Variants in SEMA6D observed in about 807,000 individuals in gnomAD.
SEMA6D encodes the protein semaphorin 6D, also known as semaphorin-6D.
In SEMA6D, 35 loss-of-function variants were observed where a neutral mutation model predicts 106.6. The observed-to-expected ratio is 0.33, with a 90% CI of 0.25 to 0.44. The LOEUF (loss-of-function observed/expected upper bound fraction) is 0.44, where lower values mean the gene tolerates loss of function less well. Among genes scored for constraint, SEMA6D ranks in the 20% least tolerant of loss-of-function variants. SEMA6D has a pLI of 1.00. For missense variants in SEMA6D, 1,185 were observed against 1,345.9 expected (o/e 0.88, Z 1.87); for synonymous variants, 499 against 487.7 (o/e 1.02, Z -0.31).
intron 1 of SEMA6D, among the ~76,000 whole-genome samples, chr15:47,385,359 T>C (rs2039796391): frequency 6.6e-6 from 1 of 152,166 alleles, no homozygotes; most frequent in Non-Finnish European, 1.5e-5. Context: ...TGCTCTTTCA[T>C]TGTACTGTGA....
At chr15:47,336,358 C>T (rs1312528753) in intron 1 of SEMA6D, among the ~76,000 whole-genome samples, 2 of 152,076 alleles carry the variant, frequency 1.3e-5, no homozygotes, top group Admixed American at 1.3e-4. Flanking sequence ...TGCCCAAGTC[C>T]ACATAGTGCA....
intron 1 of SEMA6D, among the ~76,000 whole-genome samples, chr15:47,202,929 A>T (rs183322921): frequency 1.6e-4 from 24 of 152,334 alleles, no homozygotes; most frequent in African/African-American, 5.8e-4. Flanking sequence ...ACCATGGTGT[A>T]TAAAATATGT....
intron 1 of SEMA6D, among the ~76,000 whole-genome samples, chr15:47,308,635 C>G (rs1566987925): frequency 6.6e-6 from 1 of 152,112 alleles, no homozygotes; most frequent in African/African-American, 2.4e-5. Flanking sequence ...TCTTACAGAA[C>G]AAGGTTGACA....
intron 1 of SEMA6D, among the ~76,000 whole-genome samples, chr15:47,201,086 GA>G (rs1481052131): frequency 1.3e-5 from 2 of 152,142 alleles, no homozygotes; most frequent in African/African-American, 4.8e-5. Context: ...CGATTTAGTA[GA>G]AAGCTTGTGT....
intron 4 of SEMA6D, among the ~76,000 whole-genome samples, chr15:47,678,552 A>G (rs73392873): frequency 0.086 from 13,082 of 152,128 alleles, 1,895 homozygotes; most frequent in African/African-American, 0.3. Context: ...GGAAAATGGA[A>G]CCCATTCGAG....
intron 3 of SEMA6D, among the ~76,000 whole-genome samples, chr15:47,533,271 T>G (rs1480654037): frequency 6.6e-6 from 1 of 152,194 alleles, no homozygotes; most frequent in East Asian, 1.9e-4. Context: ...GCAGTATAGG[T>G]GTAAACCAAT....
chr15:47,369,915 T>A lies in SEMA6D; in HGVS notation c.-238-42478T>A, dbSNP rs1388137555. On this transcript the variant is annotated intron_variant, in intron 1 of 19. Coordinates refer to the SEMA6D transcript ENST00000558014. ...AATGCTTGAATACCAGCAACTGTTT[T>A]AAGCACATTGCATTGGATTGACTCA... Among the ~76,000 whole-genome samples the A allele has an allele frequency of 2.6e-5, 4 of 152,210 alleles. No individual in the cohort carries two copies. The East Asian group carries it at 5.8e-4, about 22-fold the overall frequency.
chr15:47,312,611 C>T (rs531232805), intron 1 of SEMA6D, among the ~76,000 whole-genome samples: 2 of 152,158 alleles, frequency 1.3e-5, no homozygotes, highest in East Asian at 1.9e-4. Context: ...TTTAGATCAG[C>T]GCTATCCAAC....
chr15:47,298,366 A>T (rs1260124611), intron 1 of SEMA6D, among the ~76,000 whole-genome samples: 2 of 151,108 alleles, frequency 1.3e-5, no homozygotes, highest in African/African-American at 2.4e-5. Context: ...GAGCATACAC[A>T]CCTATATTCT....
At chr15:47,555,092 T>G (rs2045878392) in intron 3 of SEMA6D, among the ~76,000 whole-genome samples, 1 of 152,168 alleles carries the variant, frequency 6.6e-6, no homozygotes, top group Admixed American at 6.5e-5. Context: ...ACCAATCATA[T>G]GCGTACAACA....
intron 4 of SEMA6D, among the ~76,000 whole-genome samples, chr15:47,659,733 G>A (rs543836687): frequency 1.9e-4 from 29 of 151,968 alleles, no homozygotes; most frequent in Non-Finnish European, 3.5e-4. Flanking sequence ...CGAAAGGAAA[G>A]GACTAAGGTC....
chr15:47,600,589 A>G (rs2076631030), intron 3 of SEMA6D, among the ~76,000 whole-genome samples: 1 of 152,208 alleles, frequency 6.6e-6, no homozygotes, highest in Non-Finnish European at 1.5e-5. Context: ...CTAGCCTATC[A>G]TGGTGTTTTA....
intron 1 of SEMA6D, among the ~76,000 whole-genome samples, chr15:47,318,082 T>C (rs1821909967): frequency 1.4e-5 from 2 of 148,110 alleles, no homozygotes; most frequent in Admixed American, 1.4e-4. Context: ...TACTTCCCGA[T>C]TGGCCTTCAA....
chr15:47,355,888 T>C (rs931065886), intron 1 of SEMA6D, among the ~76,000 whole-genome samples: 1 of 152,212 alleles, frequency 6.6e-6, no homozygotes, highest in African/African-American at 2.4e-5. Context: ...GGCAACATTT[T>C]GTTGTTTTAA....
chr15:47,620,296 G>A (rs944495811), intron 4 of SEMA6D, among the ~76,000 whole-genome samples: 12 of 152,156 alleles, frequency 7.9e-5, no homozygotes, highest in Admixed American at 3.9e-4. Flanking sequence ...CTCACACCTG[G>A]GAGTGCCAAG....
rs530705108 is a variant in SEMA6D at position 47,340,470 on chromosome 15, G to A, written c.-238-71923G>A. The stretch of plus-strand genomic sequence containing the variant: ...CAGCCTTTCCAGTTAATCATGGATC[G>A]TTATCTACAGTCTGTTTCCCTTTTC... On this transcript the variant is annotated intron_variant, in intron 1 of 19. Coordinates refer to the SEMA6D transcript ENST00000558014. 1.6e-4 allele frequency among the ~76,000 whole-genome samples: 24 copies of A among 152,258 alleles called. No homozygotes were observed. In the East Asian group the frequency reaches 3.1e-3, roughly 20 times the overall value.
chr15:47,683,810 A>G (rs2078411264), intron 4 of SEMA6D, among the ~76,000 whole-genome samples: 1 of 152,200 alleles, frequency 6.6e-6, no homozygotes, highest in African/African-American at 2.4e-5. Flanking sequence ...GCTGAGTGAA[A>G]TATTGACTGC....
chr15:47,492,167 G>A (rs1366185805), intron 3 of SEMA6D, among the ~76,000 whole-genome samples: 3 of 152,158 alleles, frequency 2.0e-5, no homozygotes, highest in Non-Finnish European at 4.4e-5. Flanking sequence ...AATTACAAAT[G>A]TTCAGTTCAA....
At chr15:47,321,527 C>T (rs962087198) in intron 1 of SEMA6D, among the ~76,000 whole-genome samples, 9 of 112,296 alleles carry the variant, frequency 8.0e-5, no homozygotes, top group Non-Finnish European at 1.1e-4. Flanking sequence ...ATGTAAGTTA[C>T]GTTTTTTGTC....
Sources: gnomAD v4.1 joint callset for allele counts (sites outside exome capture counted in the v4.1 genomes callset) on GRCh38, gnomAD v4.1.1 for gene constraint, MANE v1.5 for transcripts, NCBI Gene and HGNC (gene_info 2026-07-23, HGNC 2026-07-21) for gene names.